The following CCDC178 variants were observed in gnomAD, a reference collection of about 807,000 sequenced individuals.
CCDC178 encodes coiled-coil domain containing 178.
CCDC178 carries 126 observed loss-of-function variants against 117.4 expected under a neutral mutation model. That is an observed-to-expected ratio of 1.07 (90% CI 0.93 to 1.24). The LOEUF is 1.24. Ranked by LOEUF, CCDC178 falls within the 50% of genes most tolerant of loss-of-function variation. CCDC178 has a pLI of 0.00. For missense variants in CCDC178, 1,030 were observed against 986.9 expected, an observed-to-expected ratio of 1.04 and a Z score of -0.59; for synonymous variants, 283 against 313.4, an observed-to-expected ratio of 0.90 and a Z score of 1.02.
chr18:33,244,453 T>C (rs2059523411), intron 15 of CCDC178, among the ~76,000 whole-genome samples: 3 of 151,806 alleles, frequency 2.0e-5, no homozygotes, highest in African/African-American at 7.3e-5. Flanking sequence ...CAGGTGGAGA[T>C]AATTGAATCA....
Position 33,224,774 on chromosome 18 carries a change from C to T in CCDC178, c.1818+1G>A, listed in dbSNP as rs766814350. ...AATTTTTGGATTAATTAAATGCTTA[C>T]AACAGAATGTTCTTTGTCGAGACTT... On this transcript the variant is annotated splice_donor_variant, in intron 17 of 22. Transcript: ENST00000383096. LOFTEE classifies it high-confidence loss of function. The T allele has an allele frequency of 5.3e-5, 79 of 1,504,144 alleles. No homozygotes were observed. Among genetic ancestry groups the T allele is most frequent in the Non-Finnish European group, 6.7e-5 (75 of 1,123,540 alleles). The allele number at this position is 1,504,144 out of a possible 1,614,324, so 93.2% of individuals were successfully genotyped here.
rs1402449409 is a variant in CCDC178, at chr18:33,293,050, T to C, written c.1176+109A>G. Reference sequence around the variant, plus strand: ...AGAAAACTAATACAGGCAAATTGGCTAAATATAAAAAAATTGGCCAATTGC... The same window carrying C: ...AGAAAACTAATACAGGCAAATTGGCCAAATATAAAAAAATTGGCCAATTGC... On this transcript the variant is annotated intron_variant, in intron 12 of 22. Transcript: ENST00000383096. The C allele has an allele frequency of 1.2e-5, 8 of 692,060 alleles. No individual in the cohort carries two copies. In the South Asian group the frequency reaches 1.5e-4, roughly 13 times the overall value. The allele number at this position is 692,060 out of a possible 1,614,324, so 42.9% of individuals were successfully genotyped here.
chr18:33,296,704 G>T (rs2062110175), intron 11 of CCDC178, among the ~76,000 whole-genome samples: 2 of 152,164 alleles, frequency 1.3e-5, no homozygotes, highest in African/African-American at 4.8e-5. Flanking sequence ...TGGTTCACTT[G>T]AAAACCTACA....
At chr18:33,109,951 G>A (rs1409316729) in intron 20 of CCDC178, among the ~76,000 whole-genome samples, 2 of 151,400 alleles carry the variant, frequency 1.3e-5, no homozygotes, top group African/African-American at 2.4e-5. Flanking sequence ...TGCTGCACAT[G>A]TGCTCTAATT....
chr18:33,061,395 T>A (rs1346241367), intron 21 of CCDC178, among the ~76,000 whole-genome samples: 1 of 152,152 alleles, frequency 6.6e-6, no homozygotes, highest in Non-Finnish European at 1.5e-5. Flanking sequence ...AAATAATACA[T>A]AAATTTTACT....
intron 14 of CCDC178, among the ~76,000 whole-genome samples, chr18:33,246,485 CTGA>C (rs1248520754): frequency 6.6e-6 from 1 of 151,692 alleles, no homozygotes; most frequent in Non-Finnish European, 1.5e-5. Context: ...GCCAAATCAG[CTGA>C]TGATGAGCTG....
intron 21 of CCDC178, among the ~76,000 whole-genome samples, chr18:33,030,570 G>GAT (rs2056320956): frequency 2.1e-5 from 2 of 94,912 alleles, no homozygotes; most frequent in African/African-American, 4.2e-5. Context: ...GATAGATAGA[G>GAT]GTAGATATAG....
chr18:33,361,389 A>G (rs2063125877), intron 6 of CCDC178, among the ~76,000 whole-genome samples: 1 of 151,788 alleles, frequency 6.6e-6, no homozygotes, highest in South Asian at 2.1e-4. Flanking sequence ...TAAAACTCCT[A>G]GAAAAGAACA....
intron 9 of CCDC178, 79 bp from the exon 10 acceptor site, chr18:33,333,473 A>T: frequency 5.3e-6 from 3 of 564,870 alleles, no homozygotes; most frequent in Non-Finnish European, 8.4e-6. Flanking sequence ...AAACATTTTA[A>T]TTTCAGAAAT....
intron 20 of CCDC178, among the ~76,000 whole-genome samples, chr18:33,174,459 T>C (rs1312690135): frequency 1.3e-5 from 2 of 152,260 alleles, no homozygotes; most frequent in Admixed American, 6.5e-5. Flanking sequence ...CTCTTAAATG[T>C]TATATTTATA....
chr18:33,057,746 G>A (rs777166683), intron 21 of CCDC178, among the ~76,000 whole-genome samples: 10 of 151,988 alleles, frequency 6.6e-5, no homozygotes, highest in African/African-American at 9.7e-5. Flanking sequence ...TGCCCACCTC[G>A]GCCTCCCAAA....
chr18:33,023,095 CAGAT>C lies in CCDC178; in HGVS notation c.2389-48418_2389-48415del, dbSNP rs2056154368. On this transcript the variant is annotated intron_variant, in intron 21 of 22. Coordinates refer to ENST00000383096, the MANE Select transcript of CCDC178 (RefSeq NM_001105528.4). ...GGCTGCAAAATATGTGAAGGAGAAA[CAGAT>C]AGAAAGGACGAGTAGAAAAATCCAC... Among the ~76,000 whole-genome samples the C allele has an allele frequency of 2.0e-5, 3 of 152,036 alleles. No individual in the cohort carries two copies. In the South Asian group the frequency reaches 6.2e-4, roughly 32 times the overall value.
intron 22 of CCDC178, chr18:32,958,262 T>C (rs775482593): frequency 1.5e-5 from 7 of 478,198 alleles, no homozygotes; most frequent in Non-Finnish European, 2.7e-5. Context: ...ACTAAAATTA[T>C]TGAGTTTGTG....
chr18:33,163,962 A>G (rs1291101271), intron 20 of CCDC178, among the ~76,000 whole-genome samples: 1 of 152,200 alleles, frequency 6.6e-6, no homozygotes, highest in African/African-American at 2.4e-5. Context: ...CTGCAATTCA[A>G]TCCATGGCTG....
At chr18:33,078,902 CATT>C in intron 21 of CCDC178, among the ~76,000 whole-genome samples, 1 of 152,156 alleles carries the variant, frequency 6.6e-6, no homozygotes, top group Non-Finnish European at 1.5e-5. Flanking sequence ...CTACCAATAT[CATT>C]CTTCACAGAA....
intron 21 of CCDC178, chr18:32,983,163 T>C (rs537211695): frequency 8.2e-6 from 5 of 608,224 alleles, no homozygotes; most frequent in African/African-American, 5.6e-5. Flanking sequence ...CACTTCTCAG[T>C]ACACTGGAGT....
intron 21 of CCDC178, among the ~76,000 whole-genome samples, chr18:33,054,407 C>A (rs936854589): frequency 1.3e-5 from 2 of 152,180 alleles, no homozygotes; most frequent in African/African-American, 4.8e-5. Context: ...AGTTATTCTT[C>A]TTGATGCTCT....
intron 14 of CCDC178, among the ~76,000 whole-genome samples, chr18:33,263,703 T>C (rs1005318300): frequency 1.3e-5 from 2 of 152,136 alleles, no homozygotes; most frequent in East Asian, 1.9e-4. Flanking sequence ...ACGTTACTAC[T>C]CTTAAGGCAC....
At chr18:33,373,431 A>G (rs547161870) in intron 5 of CCDC178, among the ~76,000 whole-genome samples, 51 of 152,186 alleles carry the variant, frequency 3.4e-4, no homozygotes, top group Admixed American at 1.4e-3. Context: ...ACCACTTCCT[A>G]TAGCTATTAT....
Sources: gnomAD v4.1 joint callset for allele counts (sites outside exome capture counted in the v4.1 genomes callset) on GRCh38, gnomAD v4.1.1 for gene constraint, MANE v1.5 for transcripts, NCBI Gene and HGNC (gene_info 2026-07-23, HGNC 2026-07-21) for gene names.